HYDIN: variants seen among roughly 807,000 people sequenced by gnomAD.
HYDIN encodes HYDIN axonemal central pair apparatus protein.
HYDIN carries 132 observed loss-of-function variants against 403.9 expected under a neutral mutation model. That is an observed-to-expected ratio of 0.33 (90% confidence interval 0.28 to 0.38). The LOEUF is 0.38. Among genes scored for constraint, HYDIN ranks in the 10% least tolerant of loss-of-function variants. HYDIN has a pLI of 1.00. For synonymous variants in HYDIN, 1,202 were observed against 1,891.7 expected (o/e 0.64, Z 9.46); for missense variants, 2,827 against 5,009.5 (o/e 0.56, Z 13.15).
At chr16:71,040,183 G>A (rs1597617495) in intron 18 of HYDIN, among the ~76,000 whole-genome samples, 1 of 152,122 alleles carries the variant, frequency 6.6e-6, no homozygotes, top group Non-Finnish European at 1.5e-5. Context: ...GTGCCGATGC[G>A]GTTGGCTGGT....
chr16:70,884,200 T>C, intron 58 of HYDIN, 76 bp from the exon 59 acceptor site: 2 of 1,355,928 alleles, frequency 1.5e-6, no homozygotes, highest in Non-Finnish European at 2.0e-6. Flanking sequence ...GGCTGTTAGA[T>C]GGTGTGGAGA....
chr16:71,169,689 T>C (rs2086383652), intron 5 of HYDIN, among the ~76,000 whole-genome samples: 1 of 152,166 alleles, frequency 6.6e-6, no homozygotes, highest in Non-Finnish European at 1.5e-5. Flanking sequence ...GGGATGCTGG[T>C]CAGAGGGTAC....
chr16:71,213,115 A>AGACAATTTAAGACAAACAAAC (rs2088684497), intron 1 of HYDIN, among the ~76,000 whole-genome samples: 1 of 152,138 alleles, frequency 6.6e-6, no homozygotes, highest in South Asian at 2.1e-4. Context: ...GGCAAATAAA[A>AGACAATTTAAGACAAACAAAC]GACAATTTAA....
At chr16:71,049,092 A>G (rs1167381635) in intron 18 of HYDIN, among the ~76,000 whole-genome samples, 2 of 152,300 alleles carry the variant, frequency 1.3e-5, no homozygotes, top group Admixed American at 6.5e-5. Flanking sequence ...AAACCAAGAT[A>G]AACATCATAT....
intron 1 of HYDIN, among the ~76,000 whole-genome samples, chr16:71,198,074 T>C (rs2087795410): frequency 6.6e-6 from 1 of 152,220 alleles, no homozygotes; most frequent in African/African-American, 2.4e-5. Flanking sequence ...GACTTAAGCA[T>C]GCATCCCTTA....
At chr16:70,983,938 T>C (rs2144025568) in intron 28 of HYDIN, among the ~76,000 whole-genome samples, 1 of 151,164 alleles carries the variant, frequency 6.6e-6, no homozygotes, top group East Asian at 1.9e-4. Flanking sequence ...TCTGTAATTT[T>C]CTTAAAATAT....
At chr16:71,022,899 C>A (rs191651138) in intron 21 of HYDIN, among the ~76,000 whole-genome samples, 8 of 151,620 alleles carry the variant, frequency 5.3e-5, no homozygotes, top group Non-Finnish European at 8.8e-5. Flanking sequence ...ACATGCCCCC[C>A]CAAAAGGCAT....
intron 41 of HYDIN, among the ~76,000 whole-genome samples, chr16:70,944,972 C>T (rs1262693392): frequency 6.6e-5 from 10 of 152,178 alleles, no homozygotes; most frequent in Admixed American, 2.0e-4. Flanking sequence ...AGGCTGGTCT[C>T]GAACTCCTGA....
At chr16:70,834,910 A>ATATATG (rs1360496075) in intron 78 of HYDIN, among the ~76,000 whole-genome samples, 12 of 148,208 alleles carry the variant, frequency 8.1e-5, no homozygotes, top group Admixed American at 1.4e-4. Flanking sequence ...ATACACACAC[A>ATATATG]CATATATACA....
At chr16:70,871,166 G>C (rs1302615059) in intron 65 of HYDIN, among the ~76,000 whole-genome samples, 3 of 151,636 alleles carry the variant, frequency 2.0e-5, no homozygotes, top group Admixed American at 2.0e-4. Flanking sequence ...CTCTATTCAG[G>C]GTTGGATTTG....
In HYDIN at chr16:70,921,332, C is replaced by G. The variant is rs1195751598; in HGVS notation, c.7159-115G>C. The G allele has an allele frequency of 5.8e-6, 6 of 1,040,898 alleles. No individual in the cohort carries two copies. In the Admixed American group the frequency reaches 1.4e-4, roughly 24 times the overall value. The allele number at this position is 1,040,898 out of a possible 1,614,324, so 64.5% of individuals were successfully genotyped here. A position where few individuals can be genotyped will look rare whatever the true frequency, so the allele number is the denominator to read the frequency against. ...ATGAGAAGGTCTCCGAGGATCTGGG[C>G]ACCTCCCCTGCACGCTAAGGTTGTG... On this transcript the variant is annotated intron_variant, in intron 45 of 85. Transcript: ENST00000393567.
chr16:71,210,025 G>A (rs969689563), intron 1 of HYDIN, among the ~76,000 whole-genome samples: 2 of 152,134 alleles, frequency 1.3e-5, no homozygotes, highest in Non-Finnish European at 2.9e-5. Flanking sequence ...ATTCTTCATG[G>A]AACTAGAAAA....
chr16:71,070,752 T>C (rs966135329), intron 13 of HYDIN, among the ~76,000 whole-genome samples: 2 of 131,374 alleles, frequency 1.5e-5, no homozygotes, highest in Non-Finnish European at 3.1e-5. Context: ...GAAATGCTAC[T>C]CTTCTACCTT....
At chr16:71,011,039 T>C (rs942820389) in intron 23 of HYDIN, among the ~76,000 whole-genome samples, 1 of 152,216 alleles carries the variant, frequency 6.6e-6, no homozygotes, top group African/African-American at 2.4e-5. Context: ...GTAAAAGGAA[T>C]CTGGGTCCAT....
intron 76 of HYDIN, among the ~76,000 whole-genome samples, 192 bp from the exon 77 acceptor site, chr16:70,838,080 A>G (rs2037558129): frequency 6.6e-6 from 1 of 152,060 alleles, no homozygotes; most frequent in African/African-American, 2.4e-5. Flanking sequence ...GGCACAACCA[A>G]GTTGCTCCAA....
intron 84 of HYDIN, chr16:70,817,274 T>C (rs898768013): frequency 3.3e-5 from 5 of 151,930 alleles, no homozygotes; most frequent in African/African-American, 9.7e-5. Flanking sequence ...GGCAATTACC[T>C]ACTAAAGTGA....
chr16:70,943,294 A>G (rs2077739532), intron 42 of HYDIN, among the ~76,000 whole-genome samples: 1 of 152,232 alleles, frequency 6.6e-6, no homozygotes, highest in South Asian at 2.1e-4. Context: ...TTGTAAAATA[A>G]TTCAGAAATG....
At position 70,809,778 on chromosome 16, in the gene HYDIN, C is replaced by T. The variant is rs764258500; in HGVS notation, c.14883+5G>A. On this transcript the variant is annotated splice_donor_5th_base_variant and intron_variant, in intron 85 of 85. Transcript: ENST00000393567. ...AGGGCAGAAGGTAGAGCAGGGGCCA[C>T]TCACCCTGCAGTAGTATTCTGTCCT... 1.2e-5 allele frequency: 19 copies of T among 1,606,528 alleles called. No homozygotes were observed. The South Asian group carries it at 2.1e-4, about 18-fold the overall frequency.
intron 41 of HYDIN, among the ~76,000 whole-genome samples, chr16:70,951,246 G>GAC (rs1319713738): frequency 5.7e-5 from 6 of 105,230 alleles, no homozygotes; most frequent in East Asian, 2.4e-4. Context: ...AGGGAAAAGG[G>GAC]ACAGAGAGAG....
Sources: allele counts gnomAD v4.1 joint callset (sites outside exome capture counted in the v4.1 genomes callset), GRCh38; gene constraint gnomAD v4.1.1; transcripts MANE v1.5; gene names NCBI Gene and HGNC (gene_info 2026-07-23, HGNC 2026-07-21).